POLR3K: variants seen among roughly 807,000 people sequenced by gnomAD.
The protein encoded by POLR3K is RNA polymerase III subunit K.
POLR3K carries 11 observed loss-of-function variants against 13.5 expected under a neutral mutation model. The observed-to-expected ratio is 0.81, with a 90% confidence interval of 0.51 to 1.35. POLR3K has a LOEUF of 1.35. Among genes scored for constraint, POLR3K ranks in the 40% most tolerant of loss-of-function variants. The pLI is 0.00. For missense variants in POLR3K, 144 were observed against 145.3 expected, an observed-to-expected ratio of 0.99 and a Z score of 0.05; for synonymous variants, 56 against 51.5, an observed-to-expected ratio of 1.09 and a Z score of -0.38.
chr16:50,633 G>A (rs949475396), intron 2 of POLR3K, among the ~76,000 whole-genome samples: 16 of 151,386 alleles, frequency 1.1e-4, no homozygotes, highest in African/African-American at 2.9e-4. Context: ...AGCAATTCTC[G>A]TACCTCAGCC....
chr16:47,796 G>A (rs1209564069), intron 2 of POLR3K, among the ~76,000 whole-genome samples: 30 of 124,646 alleles, frequency 2.4e-4, no homozygotes, highest in Non-Finnish European at 3.0e-4. Flanking sequence ...CAGGAGAATC[G>A]CTTGAACCCA....
chr16:48,866 AG>A (rs1897306790), intron 2 of POLR3K, among the ~76,000 whole-genome samples: 1 of 33,740 alleles, frequency 3.0e-5, no homozygotes, highest in Admixed American at 2.7e-4. Flanking sequence ...TGAAAAGAAG[AG>A]AAGAGGCCGG....
intron 1 of POLR3K, among the ~76,000 whole-genome samples, chr16:52,782 A>C (rs1466597236): frequency 4.0e-5 from 1 of 24,896 alleles, no homozygotes; most frequent in African/African-American, 1.4e-4. Context: ...AAAAAAAAAA[A>C]AAAAAAAAAA....
intron 2 of POLR3K, 86 bp from the exon 3 acceptor site, chr16:47,643 A>T: frequency 7.0e-7 from 1 of 1,430,868 alleles, no homozygotes; most frequent in Non-Finnish European, 9.4e-7. Flanking sequence ...AATATGTGGG[A>T]GGCCAAGGCG....
In POLR3K at chr16:52,765, C is replaced by CAAAAAAAAAAA. The variant is rs946489081; in HGVS notation, c.111+700_111+710dup. Among the ~76,000 whole-genome samples, 83 of 33,454 alleles carry CAAAAAAAAAAA rather than the reference C, an allele frequency of 2.5e-3. 6 individuals carry two copies. Among genetic ancestry groups the CAAAAAAAAAAA allele is most frequent in the Non-Finnish European group, 4.0e-3 (65 of 16,288 alleles). The allele number at this position is 33,454 out of a possible 152,430, so 21.9% of individuals were successfully genotyped here. A position where few individuals can be genotyped will look rare whatever the true frequency, so the allele number is the denominator to read the frequency against. ...TGGGCGACAGAGCGGGACTCCGTCTCAAAAAAAAAAAAAAAAAAAAAAAAA... is the reference window on the plus strand; with the variant it reads ...TGGGCGACAGAGCGGGACTCCGTCTCAAAAAAAAAAAAAAAAAAAAAAAAAAAAAAAAAAAA... On this transcript the variant is annotated intron_variant, in intron 1 of 2. Transcript: ENST00000293860.
chr16:50,244 C>T (rs216588), intron 2 of POLR3K, among the ~76,000 whole-genome samples: 5,062 of 152,210 alleles, frequency 0.033, 262 homozygotes, highest in African/African-American at 0.11. Flanking sequence ...CAGGCGTGAG[C>T]CACCACACCC....
chr16:50,893 C>T (rs1316479138), intron 2 of POLR3K, among the ~76,000 whole-genome samples: 4 of 152,096 alleles, frequency 2.6e-5, no homozygotes, highest in African/African-American at 9.7e-5. Flanking sequence ...ACAATCATGG[C>T]GAAAGGAACC....
intron 1 of POLR3K, 21 bp downstream of exon 1, chr16:53,455 G>A (rs1311525748): frequency 6.3e-7 from 1 of 1,597,168 alleles, no homozygotes; most frequent in Non-Finnish European, 8.5e-7. Flanking sequence ...CCCGCGCCCA[G>A]CGCCGGCCTT....
chr16:47,938 G>C (rs183055835), intron 2 of POLR3K, among the ~76,000 whole-genome samples: 2 of 137,066 alleles, frequency 1.5e-5, no homozygotes, highest in Non-Finnish European at 3.1e-5. Flanking sequence ...ACCCAGGCTG[G>C]AGTGCAGTGG....
intron 1 of POLR3K, 80 bp from the exon 2 acceptor site, chr16:51,725 ATAAGAGT>A (rs1323234240): frequency 6.5e-5 from 78 of 1,207,472 alleles, no homozygotes; most frequent in Middle Eastern, 3.9e-4. Context: ...TCAGGATTAC[ATAAGAGT>A]TCACTCGGCT....
At chr16:52,768 A>AAAAAAAAAAT in intron 1 of POLR3K, among the ~76,000 whole-genome samples, 1 of 63,846 alleles carries the variant, frequency 1.6e-5, no homozygotes, top group Admixed American at 1.6e-4. Context: ...TCCGTCTCAA[A>AAAAAAAAAAT]AAAAAAAAAA....
chr16:47,712 T>A (rs1012230238), intron 2 of POLR3K, among the ~76,000 whole-genome samples, 155 bp from the exon 3 acceptor site: 1 of 151,306 alleles, frequency 6.6e-6, no homozygotes, highest in African/African-American at 2.4e-5. Flanking sequence ...TGAAACCCCA[T>A]CTCTACTAAA....
intron 2 of POLR3K, among the ~76,000 whole-genome samples, chr16:48,549 C>T (rs1028625635): frequency 4.6e-5 from 7 of 152,010 alleles, no homozygotes; most frequent in South Asian, 2.1e-4. Context: ...CGGTGGCTCA[C>T]GCCTGTAATC....
intron 1 of POLR3K, 57 bp from the exon 2 acceptor site, chr16:51,702 C>A: frequency 7.7e-6 from 11 of 1,423,090 alleles, no homozygotes; most frequent in Non-Finnish European, 9.9e-6. Context: ...CCTGGGCTGC[C>A]AAACCTTAAA....
chr16:51,423 T>G (rs575709099), intron 2 of POLR3K, 135 bp downstream of exon 2: 4 of 709,120 alleles, frequency 5.6e-6, no homozygotes, highest in Non-Finnish European at 9.3e-6. Context: ...CAAATACAAA[T>G]AAATTATTCA....
Position 53,582 on chromosome 16 carries a change from A to G in POLR3K, c.5T>C (p.Leu2Pro), listed in dbSNP as rs1897365414. M[L>P]LFCPGCGNGL... Reference sequence around the variant, plus strand: ...GTTCCCGCAGCCGGGGCAGAACAGCAGCATGGTCTCGAACTCCGCAGGCTC... The same window carrying G: ...GTTCCCGCAGCCGGGGCAGAACAGCGGCATGGTCTCGAACTCCGCAGGCTC... Residue 2 changes from leucine to proline, a missense_variant, in exon 1 of 3, where the codon CTG becomes CCG. Physicochemically the swap from Leu to Pro is moderately conservative, Grantham distance 98. Transcript: ENST00000293860. The G allele has an allele frequency of 4.3e-6, 7 of 1,611,590 alleles. No homozygotes were observed. The East Asian group carries it at 1.6e-4, about 36-fold the overall frequency.
At chr16:52,779 AAAAAAAAAAAAAAAAAC>A (rs1897351185) in intron 1 of POLR3K, among the ~76,000 whole-genome samples, 1 of 23,620 alleles carries the variant, frequency 4.2e-5, no homozygotes, top group South Asian at 1.0e-3. Context: ...AAAAAAAAAA[AAAAAAAAAAAAAAAAAC>A]AATAAAAAAA....
intron 2 of POLR3K, among the ~76,000 whole-genome samples, chr16:50,936 C>T (rs1025422866): frequency 6.6e-6 from 1 of 152,164 alleles, no homozygotes; most frequent in African/African-American, 2.4e-5. Flanking sequence ...AGAATGAGTG[C>T]GAGCAGGGGA....
chr16:48,257 C>T (rs956246434), intron 2 of POLR3K, among the ~76,000 whole-genome samples: 4 of 152,072 alleles, frequency 2.6e-5, no homozygotes, highest in African/African-American at 4.8e-5. Flanking sequence ...AAGGGTAGAT[C>T]TACAAACAGT....
Sources: allele counts gnomAD v4.1 joint callset (sites outside exome capture counted in the v4.1 genomes callset), GRCh38; gene constraint gnomAD v4.1.1; transcripts MANE v1.5; gene names NCBI Gene and HGNC (gene_info 2026-07-23, HGNC 2026-07-21).